Variants in FAM171A2 observed in about 807,000 individuals in gnomAD.
FAM171A2 encodes the protein protein FAM171A2.
In FAM171A2, 13 loss-of-function variants were observed where a neutral mutation model predicts 34.2. The observed-to-expected ratio is 0.38, with a 90% confidence interval of 0.25 to 0.60. The LOEUF (loss-of-function observed/expected upper bound fraction) is 0.60, where lower values mean the gene tolerates loss of function less well. Ranked by LOEUF, FAM171A2 falls within the 20% of genes least tolerant of loss-of-function variation. The pLI is 0.62. For missense variants in FAM171A2, 950 were observed against 1,180.7 expected (o/e 0.80, Z 2.86); for synonymous variants, 475 against 561.2 (o/e 0.85, Z 2.17).
In FAM171A2 at chr17:44,356,308, C is replaced by T. The variant is rs1025046625; in HGVS notation, c.643G>A (p.Val215Met). ...LELMPLTAVS[V>M]HLLTGNGTEV... The stretch of plus-strand genomic sequence containing the variant: ...GTCCCATTACCTGTCAGCAGGTGCA[C>T]GCTCACAGCAGTCAGGGGCATCAGC... Residue 215 changes from valine to methionine, a missense_variant, in exon 5 of 8, where the codon GTG becomes ATG. Val to Met is a conservative substitution (Grantham distance 21, BLOSUM62 1). This residue lies in a region of FAM171A2 where 752 missense variants were observed against 924.5 expected (regional missense o/e 0.81). Transcript: ENST00000293443. 8.4e-6 allele frequency: 13 copies of T among 1,550,202 alleles called. No individual in the cohort carries two copies. Among genetic ancestry groups the T allele is most frequent in the Middle Eastern group, 1.7e-4 (1 of 5,962 alleles).
chr17:44,356,072 G>T lies in FAM171A2; in HGVS notation c.781C>A (p.Leu261Met). The T allele has an allele frequency of 1.3e-6, 2 of 1,537,522 alleles. No homozygotes were observed. Among genetic ancestry groups the T allele is most frequent in the Non-Finnish European group, 1.8e-6 (2 of 1,138,722 alleles). Residue 261 changes from leucine (L) to methionine (M), a missense_variant and splice_region_variant, in exon 6 of 8, where the codon CTG becomes ATG. Leu to Met is a conservative substitution (Grantham distance 15, BLOSUM62 2). This residue lies in a region of FAM171A2 where 752 missense variants were observed against 924.5 expected (regional missense o/e 0.81). Coordinates refer to ENST00000293443, the MANE Select transcript of FAM171A2 (RefSeq NM_198475.3). ...PAWRFDPKSGLWVRNGTGVIR... is the reference protein window; with the variant it reads ...PAWRFDPKSGMWVRNGTGVIR... ...ACACCAGTGCCATTGCGCACCCACA[G>T]CCCTGGGAGAGGCAGGGGTTTTGTC...
chr17:44,355,191 C>G lies in FAM171A2; in HGVS notation c.1023G>C (p.Arg341=). 1 of 1,550,418 alleles carries G rather than the reference C, an allele frequency of 6.4e-7. No homozygotes were observed. The highest frequency in any genetic ancestry group is 8.7e-7 in the Non-Finnish European group (1 of 1,146,746). ...ILLCLLIYYC[R]RRCLKPRQQH... is the part of the protein sequence containing the mutation. Reference sequence around the variant, plus strand: ...GTTGCCTCGGCTTCAGGCAGCGCCTCCTGGAAGGGAGGGAGCAGAAGGGGC... The same window carrying G: ...GTTGCCTCGGCTTCAGGCAGCGCCTGCTGGAAGGGAGGGAGCAGAAGGGGC... The change falls in exon 8 of 8, where the codon CGG becomes CGC. Residue 341 remains arginine, a splice_region_variant and synonymous_variant. Transcript: ENST00000293443. This position sits in a 1 kb window ranked among gnomAD's most constrained non-coding sequence, Gnocchi z 4.1.
At chr17:44,357,206 G>A (rs1200411212) in intron 3 of FAM171A2, among the ~76,000 whole-genome samples, 2 of 152,042 alleles carry the variant, frequency 1.3e-5, no homozygotes, top group Admixed American at 6.5e-5. Context: ...AATTAGCTGG[G>A]TGTGGTGGTG....
At chr17:44,357,730 CGTGTGTGTGTGTGT>C (rs141824631) in intron 3 of FAM171A2, among the ~76,000 whole-genome samples, 2 of 143,268 alleles carry the variant, frequency 1.4e-5, no homozygotes, top group Non-Finnish European at 3.0e-5. Context: ...CAGTTTAGGT[CGTGTGTGTGTGTGT>C]GTGTGTGTGT....
intron 1 of FAM171A2, among the ~76,000 whole-genome samples, chr17:44,363,038 G>A (rs1222535766): frequency 1.3e-5 from 2 of 152,194 alleles, no homozygotes; most frequent in South Asian, 2.1e-4. Flanking sequence ...GGGCTGGCTG[G>A]GAGCTGTCAG....
At chr17:44,363,156 G>C (rs551277924) in intron 1 of FAM171A2, among the ~76,000 whole-genome samples, 2 of 146,722 alleles carry the variant, frequency 1.4e-5, no homozygotes, top group East Asian at 2.0e-4. Context: ...CCCAGCCTCC[G>C]GTCCCGGCCT....
At chr17:44,362,732 G>C (rs939100546) in intron 1 of FAM171A2, among the ~76,000 whole-genome samples, 8 of 152,092 alleles carry the variant, frequency 5.3e-5, no homozygotes, top group Non-Finnish European at 1.2e-4. Context: ...TGAGTCGCTG[G>C]GAAGGGTCTC....
chr17:44,355,023 G>C lies in FAM171A2; in HGVS notation c.1191C>G (p.Pro397=). The C allele has an allele frequency of 6.5e-7, 1 of 1,526,866 alleles. No individual in the cohort carries two copies. Among genetic ancestry groups the C allele is most frequent in the Non-Finnish European group, 8.8e-7 (1 of 1,137,056 alleles). 94.6% of individuals were successfully genotyped at this position (1,526,866 alleles called of 1,614,324 possible). The change falls in exon 8 of 8, where the codon CCC becomes CCG. Residue 397 remains proline, a synonymous_variant. Transcript: ENST00000293443. This position sits in a 1 kb window ranked among gnomAD's most constrained non-coding sequence, Gnocchi z 4.1. The part of the protein sequence containing the change: ...SGDPEAPPPG[P]LHSAFSSSRD... ...GGGAGCTGGAGAAGGCCGAGTGGAGGGGGCCTGGAGGCGGAGCCTCGGGGT... is the reference window on the plus strand; with the variant it reads ...GGGAGCTGGAGAAGGCCGAGTGGAGCGGGCCTGGAGGCGGAGCCTCGGGGT...
In FAM171A2 at chr17:44,355,049, C is replaced by G. The variant is rs1380642985; in HGVS notation, c.1165G>C (p.Asp389His). Reference sequence around the variant, plus strand: ...GGGCCTGGAGGCGGAGCCTCGGGGTCCCCCGACGGGGCGGGTTCCAGGGGT... The same window carrying G: ...GGGCCTGGAGGCGGAGCCTCGGGGTGCCCCGACGGGGCGGGTTCCAGGGGT... ...GGPLEPAPSGDPEAPPPGPLH... is the reference protein window; with the variant it reads ...GGPLEPAPSGHPEAPPPGPLH... The change falls in exon 8 of 8, where the codon GAC becomes CAC. Residue 389 changes from aspartate to histidine, a missense_variant. This residue lies in a region of FAM171A2 where 752 missense variants were observed against 924.5 expected (regional missense o/e 0.81). Coordinates refer to ENST00000293443, the MANE Select transcript of FAM171A2 (RefSeq NM_198475.3). The surrounding 1 kb of genome is among the most constrained non-coding windows in gnomAD (Gnocchi z 4.1). 4 of 1,542,866 alleles carry G rather than the reference C, an allele frequency of 2.6e-6. No homozygotes were observed. In the East Asian group the frequency reaches 9.8e-5, roughly 38 times the overall value.
Position 44,353,512 on chromosome 17 carries a change from CCCGTGGGGGTCTGGACCCCCCCT to C in FAM171A2, c.*198_*220del, listed in dbSNP as rs1418439404. On this transcript the variant is annotated 3_prime_UTR_variant, in exon 8 of 8. Coordinates refer to ENST00000293443, the MANE Select transcript of FAM171A2 (RefSeq NM_198475.3). ...CCCCAGCCCTCCTCCCCGGCACCTC[CCCGTGGGGGTCTGGACCCCCCCT>C]CCTCCCCGGCTTGGAGGCAGACACA... 1 of 267,514 alleles carries C rather than the reference CCCGTGGGGGTCTGGACCCCCCCT, an allele frequency of 3.7e-6. No individual in the cohort carries two copies. Among genetic ancestry groups the C allele is most frequent in the Non-Finnish European group, 6.8e-6 (1 of 146,078 alleles). 16.6% of individuals were successfully genotyped at this position (267,514 alleles called of 1,614,324 possible). A position where few individuals can be genotyped will look rare whatever the true frequency, so the allele number is the denominator to read the frequency against.
At chr17:44,357,646 CA>C (rs538365409) in intron 3 of FAM171A2, among the ~76,000 whole-genome samples, 322 of 142,968 alleles carry the variant, frequency 2.3e-3, no homozygotes, top group African/African-American at 7.7e-3. Flanking sequence ...GAATCCATCT[CA>C]AAAAAAAAAA....
At chr17:44,357,683 T>C (rs889955324) in intron 3 of FAM171A2, among the ~76,000 whole-genome samples, 8 of 151,110 alleles carry the variant, frequency 5.3e-5, no homozygotes, top group Admixed American at 4.6e-4. Flanking sequence ...TTTAATTTAC[T>C]TCAATTTAAT....
rs545765489 is a variant in FAM171A2 at position 44,360,362 on chromosome 17, T to A, written c.119-230A>T. On this transcript the variant is annotated intron_variant, in intron 1 of 7. Transcript: ENST00000293443. Reference sequence around the variant, plus strand: ...TTCATCGTCTAACACATGCGCTGTGTCACATTTTCACAATTCTAAACTCGG... The same window carrying A: ...TTCATCGTCTAACACATGCGCTGTGACACATTTTCACAATTCTAAACTCGG... 2.6e-5 allele frequency among the ~76,000 whole-genome samples: 4 copies of A among 152,320 alleles called. No homozygotes were observed. The South Asian group carries it at 8.3e-4, about 32-fold the overall frequency.
Position 44,359,675 on chromosome 17 carries a change from C to A in FAM171A2, c.347-4G>T. On this transcript the variant is annotated splice_region_variant and splice_polypyrimidine_tract_variant and intron_variant, in intron 2 of 7. Transcript: ENST00000293443. The stretch of plus-strand genomic sequence containing the variant: ...TAGAGGCTGACAGACGCATACACTG[C>A]GGGAGGGATGGCCGGTCAGCTCCAG... 1 of 1,549,896 alleles carries A rather than the reference C, an allele frequency of 6.5e-7. No individual in the cohort carries two copies. The highest frequency in any genetic ancestry group is 8.7e-7 in the Non-Finnish European group (1 of 1,146,520).
At position 44,355,248 on chromosome 17, in the gene FAM171A2, C is replaced by T. The variant is rs937539360; in HGVS notation, c.1023-57G>A. The T allele has an allele frequency of 4.6e-5, 71 of 1,534,682 alleles. No individual in the cohort carries two copies. The highest frequency in any genetic ancestry group is 2.1e-4 in the Admixed American group (10 of 47,406). ...GGAAAGGGTGAGGGCCAAAGTAGGC[C>T]CCGAACCCCCTTAGATGCAAGACAA... On this transcript the variant is annotated intron_variant, in intron 7 of 7. Coordinates refer to ENST00000293443, the MANE Select transcript of FAM171A2 (RefSeq NM_198475.3). The surrounding 1 kb of genome is among the most constrained non-coding windows in gnomAD (Gnocchi z 4.1).
At position 44,355,935 on chromosome 17, in the gene FAM171A2, G is replaced by C. The variant is rs959355559; in HGVS notation, c.895+23C>G. 1 of 1,540,518 alleles carries C rather than the reference G, an allele frequency of 6.5e-7. No individual in the cohort carries two copies. The highest frequency in any genetic ancestry group is 2.5e-5 in the East Asian group (1 of 40,784). ...AGCTCCCCTCCTCCGCGGCCTCTAC[G>C]CCCACTGCCCCACTACTCTTACCAG... On this transcript the variant is annotated intron_variant, in intron 6 of 7. Coordinates refer to ENST00000293443, the MANE Select transcript of FAM171A2 (RefSeq NM_198475.3). This position sits in a 1 kb window ranked among gnomAD's most constrained non-coding sequence, Gnocchi z 4.1.
intron 1 of FAM171A2, among the ~76,000 whole-genome samples, chr17:44,362,233 G>A (rs914561300): frequency 6.6e-6 from 1 of 152,026 alleles, no homozygotes; most frequent in Non-Finnish European, 1.5e-5. Context: ...CTTCCCCTGA[G>A]GTGCAGGGAC....
chr17:44,359,437 A>G (rs2048438803), intron 3 of FAM171A2, 142 bp downstream of exon 3: 2 of 668,316 alleles, frequency 3.0e-6, no homozygotes, highest in Non-Finnish European at 2.7e-6. Context: ...CTAACCTTCC[A>G]CGTCTTACAA....
At position 44,354,303 on chromosome 17, in the gene FAM171A2, C is replaced by G; in HGVS notation, c.1911G>C (p.Leu637=). 1 of 1,453,536 alleles carries G rather than the reference C, an allele frequency of 6.9e-7. No individual in the cohort carries two copies. The highest frequency in any genetic ancestry group is 9.1e-7 in the Non-Finnish European group (1 of 1,093,866). The allele number at this position is 1,453,536 out of a possible 1,614,324, so 90.0% of individuals were successfully genotyped here. A position where few individuals can be genotyped will look rare whatever the true frequency, so the allele number is the denominator to read the frequency against. Reference sequence around the variant, plus strand: ...CCAGTTCCAGCAGCTTCTTCTCGGTCAGGGCCTGCAGCTCCCCGTTGAGCT... The same window carrying G: ...CCAGTTCCAGCAGCTTCTTCTCGGTGAGGGCCTGCAGCTCCCCGTTGAGCT... ...MAQLNGELQA[L]TEKKLLELGV... The change falls in exon 8 of 8, where the codon CTG becomes CTC. Residue 637 remains leucine (L), a synonymous_variant. Coordinates refer to ENST00000293443, the MANE Select transcript of FAM171A2 (RefSeq NM_198475.3). The surrounding 1 kb of genome is among the most constrained non-coding windows in gnomAD (Gnocchi z 5.8).
Sources: gnomAD v4.1 joint callset for allele counts (sites outside exome capture counted in the v4.1 genomes callset) on GRCh38, gnomAD v4.1.1 for gene constraint, gnomAD v4.1.1 regional missense constraint, Gnocchi (gnomAD v3.1) non-coding constraint, MANE v1.5 for transcripts, NCBI Gene and HGNC (gene_info 2026-07-23, HGNC 2026-07-21) for gene names.